The following FRAS1 variants were observed in gnomAD, a reference collection of about 807,000 sequenced individuals.
FRAS1 encodes the protein extracellular matrix organizing protein FRAS1.
In FRAS1, 290 loss-of-function variants were observed where a neutral mutation model predicts 435.2. That is an observed-to-expected ratio of 0.67 (90% CI 0.61 to 0.73). The LOEUF is 0.73. Among genes scored for constraint, FRAS1 ranks in the 30% least tolerant of loss-of-function variants. FRAS1 has a pLI of 0.00. For synonymous variants in FRAS1, 1,800 were observed against 1,851.0 expected (o/e 0.97, Z 0.71); for missense variants, 4,860 against 5,001.5 (o/e 0.97, Z 0.85).
At chr4:78,430,485 T>TA in intron 37 of FRAS1, 68 bp downstream of exon 37, 1 of 1,531,944 alleles carries the variant, frequency 6.5e-7, no homozygotes, top group East Asian at 2.3e-5. Context: ...AATCAGTTGT[T>TA]ATGTGTCTCA....
chr4:78,230,668 C>A (rs528900800), intron 2 of FRAS1, among the ~76,000 whole-genome samples: 179 of 152,248 alleles, frequency 1.2e-3, no homozygotes, highest in African/African-American at 4.0e-3. Context: ...GAAAATGAAC[C>A]TCCAGAAATG....
chr4:78,446,736 G>A lies in FRAS1; in HGVS notation c.5866G>A (p.Asp1956Asn), dbSNP rs755095131. 1.9e-5 allele frequency: 31 copies of A among 1,612,486 alleles called. No homozygotes were observed. Among genetic ancestry groups the A allele is most frequent in the Non-Finnish European group, 2.1e-5 (25 of 1,179,442 alleles). Reference sequence around the variant, plus strand: ...TTTATGCTTTAATCAGAGGAAGAACGATGAGCCTCCCAGGATGACCTTGCA... The same window carrying A: ...TTTATGCTTTAATCAGAGGAAGAACAATGAGCCTCCCAGGATGACCTTGCA... ...SINITIERKN[D>N]EPPRMTLQPL... is the part of the protein sequence containing the mutation. Residue 1956 changes from aspartate (D) to asparagine (N), a missense_variant, in exon 43 of 74, where the codon GAT (aspartate) becomes AAT (asparagine). Transcript: ENST00000512123.
At position 78,057,658 on chromosome 4, in the gene FRAS1, C is replaced by A; in HGVS notation, c.-352C>A. On this transcript the variant is annotated 5_prime_UTR_variant, in exon 1 of 74. It adds an upstream start codon to the 5' untranslated region. Transcript: ENST00000512123. The surrounding 1 kb of genome is among the most constrained non-coding windows in gnomAD (Gnocchi z 4.2). Reference sequence around the variant, plus strand: ...GGAAGGGTCTAGCCCGAGGGAAATGCTGGAAGATCCCATCGGCCAGTGACC... The same window carrying A: ...GGAAGGGTCTAGCCCGAGGGAAATGATGGAAGATCCCATCGGCCAGTGACC... The A allele has an allele frequency of 2.9e-6, 1 of 343,572 alleles. No individual in the cohort carries two copies. The highest frequency in any genetic ancestry group is 5.4e-6 in the Non-Finnish European group (1 of 186,640). The allele number at this position is 343,572 out of a possible 1,614,324, so 21.3% of individuals were successfully genotyped here.
chr4:78,477,606 T>C (rs577534637), intron 54 of FRAS1, among the ~76,000 whole-genome samples: 2 of 152,300 alleles, frequency 1.3e-5, no homozygotes, highest in South Asian at 4.1e-4. Context: ...CCTTATACAA[T>C]AAAGCAGCCC....
intron 5 of FRAS1, 86 bp from the exon 6 acceptor site, chr4:78,255,156 A>G: frequency 1.5e-6 from 2 of 1,367,524 alleles, no homozygotes; most frequent in East Asian, 2.5e-5. Context: ...CTTCTGACCA[A>G]CTGCACTGGC....
At chr4:78,386,877 G>C (rs900916386) in intron 28 of FRAS1, among the ~76,000 whole-genome samples, 1 of 152,136 alleles carries the variant, frequency 6.6e-6, no homozygotes, top group Non-Finnish European at 1.5e-5. Context: ...TATAACCTGA[G>C]TTGGGGTGGG....
chr4:78,258,183 A>G (rs1484620293), intron 6 of FRAS1, among the ~76,000 whole-genome samples: 1 of 152,036 alleles, frequency 6.6e-6, no homozygotes, highest in African/African-American at 2.4e-5. Flanking sequence ...TCTACAAAAA[A>G]TGCAAAACTT....
intron 10 of FRAS1, among the ~76,000 whole-genome samples, chr4:78,280,343 T>C (rs1040789656): frequency 1.3e-5 from 2 of 152,150 alleles, no homozygotes; most frequent in African/African-American, 2.4e-5. Flanking sequence ...ACAGCATGGA[T>C]ATGCTGGACA....
At chr4:78,112,141 A>G (rs1742760918) in intron 2 of FRAS1, among the ~76,000 whole-genome samples, 1 of 152,148 alleles carries the variant, frequency 6.6e-6, no homozygotes, top group African/African-American at 2.4e-5. Flanking sequence ...TTAGATAAGA[A>G]TTCTCCAAAG....
At chr4:78,277,742 A>C (rs1727125388) in intron 9 of FRAS1, among the ~76,000 whole-genome samples, 1 of 152,190 alleles carries the variant, frequency 6.6e-6, no homozygotes, top group Non-Finnish European at 1.5e-5. Context: ...GGAAATGAAA[A>C]TGATAAGACT....
At chr4:78,420,512 A>G (rs1242828277) in intron 33 of FRAS1, among the ~76,000 whole-genome samples, 1 of 152,240 alleles carries the variant, frequency 6.6e-6, no homozygotes, top group East Asian at 1.9e-4. Flanking sequence ...TGAAAAATTT[A>G]GAAACAACAG....
intron 14 of FRAS1, among the ~76,000 whole-genome samples, chr4:78,294,795 C>T (rs73827951): frequency 0.014 from 2,079 of 152,114 alleles, 52 homozygotes; most frequent in African/African-American, 0.047. Flanking sequence ...TTCCTCCCTC[C>T]ATCATTAGGA....
At chr4:78,423,061 G>A (rs887732645) in intron 34 of FRAS1, among the ~76,000 whole-genome samples, 2 of 152,102 alleles carry the variant, frequency 1.3e-5, no homozygotes, top group Non-Finnish European at 2.9e-5. Context: ...CCTTGATCCA[G>A]TCATCAAGGT....
At chr4:78,519,539 A>G in intron 67 of FRAS1, 58 bp downstream of exon 67, 6 of 1,561,726 alleles carry the variant, frequency 3.8e-6, no homozygotes, top group Non-Finnish European at 5.2e-6. Flanking sequence ...AAGCAAGATT[A>G]AAAGAAGAGT....
At chr4:78,178,003 A>C (rs994891092) in intron 2 of FRAS1, among the ~76,000 whole-genome samples, 3 of 152,170 alleles carry the variant, frequency 2.0e-5, no homozygotes, top group African/African-American at 7.2e-5. Flanking sequence ...CTGTCTCTGG[A>C]GGCCACAGTC....
At chr4:78,275,323 T>G (rs1180732463) in intron 9 of FRAS1, among the ~76,000 whole-genome samples, 1 of 152,224 alleles carries the variant, frequency 6.6e-6, no homozygotes, top group Non-Finnish European at 1.5e-5. Context: ...CATTTAAGGT[T>G]AATATTGTTA....
rs780269853 is a variant in FRAS1, at chr4:78,472,179, G to A, written c.7372-1G>A. ...TTAAATTAAATGGGTTTCTATTCTAGGCAACCAACCTGATCACCAAGAAGG... is the reference window on the plus strand; with the variant it reads ...TTAAATTAAATGGGTTTCTATTCTAAGCAACCAACCTGATCACCAAGAAGG... On this transcript the variant is annotated splice_acceptor_variant, in intron 51 of 73. Coordinates refer to ENST00000512123, the MANE Select transcript of FRAS1 (RefSeq NM_025074.7). LOFTEE classifies it high-confidence loss of function. The A allele has an allele frequency of 6.2e-7, 1 of 1,613,720 alleles. No individual in the cohort carries two copies. The highest frequency in any genetic ancestry group is 8.5e-7 in the Non-Finnish European group (1 of 1,179,724).
At chr4:78,068,423 G>A in intron 2 of FRAS1, 1 of 436,714 alleles carries the variant, frequency 2.3e-6, no homozygotes, top group Non-Finnish European at 4.6e-6. Context: ...GAGCAGAAAT[G>A]TAAAGTCTGA....
intron 29 of FRAS1, among the ~76,000 whole-genome samples, chr4:78,392,127 G>C (rs1232168963): frequency 6.6e-6 from 1 of 152,034 alleles, no homozygotes; most frequent in Non-Finnish European, 1.5e-5. Context: ...GCAAGCTTCT[G>C]GGGCTCATAT....
Sources: allele counts gnomAD v4.1 joint callset (sites outside exome capture counted in the v4.1 genomes callset), GRCh38; gene constraint gnomAD v4.1.1; non-coding constraint Gnocchi (gnomAD v3.1); transcripts MANE v1.5; gene names NCBI Gene and HGNC (gene_info 2026-07-23, HGNC 2026-07-21).